Variants in BARHL2 observed in about 807,000 individuals in gnomAD.
BARHL2 encodes BarH like homeobox 2, also known as barH-like 2 homeobox protein.
In BARHL2, 10 loss-of-function variants were observed where a neutral mutation model predicts 27.1. That is an observed-to-expected ratio of 0.37 (90% CI 0.23 to 0.63). The LOEUF (loss-of-function observed/expected upper bound fraction) is 0.63, where lower values mean the gene tolerates loss of function less well. Among genes scored for constraint, BARHL2 ranks in the 20% least tolerant of loss-of-function variants. The pLI is 0.65. For missense variants in BARHL2, 483 were observed against 533.5 expected, an observed-to-expected ratio of 0.91 and a Z score of 0.93; for synonymous variants, 248 against 224.7, an observed-to-expected ratio of 1.10 and a Z score of -0.93.
intron 1 of BARHL2, among the ~76,000 whole-genome samples, chr1:90,716,255 C>T (rs1658142014): frequency 6.6e-6 from 1 of 152,286 alleles, no homozygotes; most frequent in African/African-American, 2.4e-5. Context: ...CAAGTCCATC[C>T]CTTTTATCAA....
In BARHL2 at chr1:90,712,420, C is replaced by T; in HGVS notation, c.1056G>A (p.Leu352=). The T allele has an allele frequency of 6.2e-7, 1 of 1,608,468 alleles. No individual in the cohort carries two copies. Among genetic ancestry groups the T allele is most frequent in the Non-Finnish European group, 8.5e-7 (1 of 1,177,040 alleles). The stretch of plus-strand genomic sequence containing the variant: ...GCACACGGGGCACCAGGGGCCGCTG[C>T]AGCTGGGGATGGGGTGCTGGAGGAG... The part of the protein sequence containing the change: ...YRTPPAPHPQ[L]QRPLVPRVLI... Residue 352 remains leucine, a synonymous_variant, in exon 3 of 3, where the codon CTG becomes CTA. Coordinates refer to ENST00000370445, the MANE Select transcript of BARHL2 (RefSeq NM_020063.2).
rs932705165 is a variant in BARHL2 at position 90,712,135 on chromosome 1, C to T, written c.*177G>A. ...GGGTGGGGAGATGGAGAGCAGAGGGCTGGCTCCTCTTTGGGGGTCCCCTGC... is the reference window on the plus strand; with the variant it reads ...GGGTGGGGAGATGGAGAGCAGAGGGTTGGCTCCTCTTTGGGGGTCCCCTGC... On this transcript the variant is annotated 3_prime_UTR_variant, in exon 3 of 3. Transcript: ENST00000370445. 1 of 569,870 alleles carries T rather than the reference C, an allele frequency of 1.8e-6. No homozygotes were observed. The highest frequency in any genetic ancestry group is 1.9e-5 in the African/African-American group (1 of 53,642). 35.3% of individuals were successfully genotyped at this position (569,870 alleles called of 1,614,324 possible). A position where few individuals can be genotyped will look rare whatever the true frequency, so the allele number is the denominator to read the frequency against.
chr1:90,712,322 T>G lies in BARHL2; in HGVS notation c.1154A>C (p.His385Pro). The G allele has an allele frequency of 6.8e-7, 1 of 1,463,214 alleles. No homozygotes were observed. Among genetic ancestry groups the G allele is most frequent in the Non-Finnish European group, 9.1e-7 (1 of 1,102,610 alleles). The allele number at this position is 1,463,214 out of a possible 1,614,324, so 90.6% of individuals were successfully genotyped here. Residue 385 changes from histidine to proline, a missense_variant, in exon 3 of 3, where the codon CAC becomes CCC. By Grantham distance (77) the His-to-Pro change is moderately conservative. This residue lies in a region of BARHL2 where 130 missense variants were observed against 138.0 expected (regional missense o/e 0.94). Transcript: ENST00000370445. The stretch of plus-strand genomic sequence containing the variant: ...TTCGCTGCAATGTTTTCACCGGGGG[T>G]GTGGGGTGCCTGGGATGGGGCTGGA... ...PLSSPIPGTP[H>P]PR
intron 2 of BARHL2, among the ~76,000 whole-genome samples, chr1:90,713,284 C>T (rs1215928313): frequency 6.6e-6 from 1 of 152,186 alleles, no homozygotes; most frequent in East Asian, 1.9e-4. Context: ...AAAGTACCTC[C>T]TGGCCATTCT....
At chr1:90,713,896 C>T (rs552816668) in intron 2 of BARHL2, among the ~76,000 whole-genome samples, 82 of 152,344 alleles carry the variant, frequency 5.4e-4, no homozygotes, top group African/African-American at 1.6e-3. Context: ...GGGACAGACC[C>T]ACACTCCTTC....
intron 2 of BARHL2, among the ~76,000 whole-genome samples, chr1:90,713,846 C>T (rs563898160): frequency 1.8e-3 from 270 of 152,358 alleles, no homozygotes; most frequent in African/African-American, 6.2e-3. Context: ...CTCTGCAGCA[C>T]TCTAGCTCCA....
chr1:90,717,271 CAAAAT>C lies in BARHL2; in HGVS notation c.-81_-77del. 1.1e-5 allele frequency: 17 copies of C among 1,535,816 alleles called. No homozygotes were observed. The highest frequency in any genetic ancestry group is 1.3e-5 in the Non-Finnish European group (15 of 1,155,636). Reference sequence around the variant, plus strand: ...GCGAAGAAAGCTATCGATCGTAAAACAAAATAAACACCAAACAATGTTGCCGCCGC... The same window carrying C: ...GCGAAGAAAGCTATCGATCGTAAAACAAACACCAAACAATGTTGCCGCCGC... On this transcript the variant is annotated 5_prime_UTR_variant, in exon 1 of 3. Coordinates refer to ENST00000370445, the MANE Select transcript of BARHL2 (RefSeq NM_020063.2).
At chr1:90,714,784 A>C (rs747499246) in intron 1 of BARHL2, 28 bp from the exon 2 acceptor site, 1 of 1,609,532 alleles carries the variant, frequency 6.2e-7, no homozygotes, top group Non-Finnish European at 8.5e-7. Flanking sequence ...CCACGGTGGT[A>C]AGTTAGCCTG....
At chr1:90,716,519 G>A in intron 1 of BARHL2, 52 bp downstream of exon 1, 2 of 1,577,252 alleles carry the variant, frequency 1.3e-6, no homozygotes, top group Non-Finnish European at 1.7e-6. Context: ...GGGGAGATTG[G>A]GAACCAGGAG....
rs780843944 is a variant in BARHL2 at position 90,712,446 on chromosome 1, T to G, written c.1030A>C (p.Thr344Pro). Residue 344 changes from threonine (T) to proline (P), a missense_variant, in exon 3 of 3, where the codon ACT becomes CCT. This residue lies in a region of BARHL2 where 130 missense variants were observed against 138.0 expected (regional missense o/e 0.94). Transcript: ENST00000370445. ...AAAMYSSMYR[T>P]PPAPHPQLQR... is the part of the protein sequence containing the mutation. Reference sequence around the variant, plus strand: ...AGCTGGGGATGGGGTGCTGGAGGAGTCCGGTACATGCTGCTGTACATGGCA... The same window carrying G: ...AGCTGGGGATGGGGTGCTGGAGGAGGCCGGTACATGCTGCTGTACATGGCA... The G allele has an allele frequency of 6.2e-7, 1 of 1,612,238 alleles. No homozygotes were observed. The highest frequency in any genetic ancestry group is 1.1e-5 in the South Asian group (1 of 90,798).
chr1:90,713,900 C>T (rs1346215835), intron 2 of BARHL2, among the ~76,000 whole-genome samples: 1 of 152,222 alleles, frequency 6.6e-6, no homozygotes, highest in African/African-American at 2.4e-5. Context: ...CAGACCCACA[C>T]TCCTTCCTTC....
At position 90,716,879 on chromosome 1, in the gene BARHL2, T is replaced by A; in HGVS notation, c.317A>T (p.Gln106Leu). ...PPAAAPTQSL[Q>L]PLPQQQQPLP... Reference sequence around the variant, plus strand: ...CGGCTGCTGCTGTTGGGGCAAAGGCTGCAAACTTTGCGTCGGGGCCGCGGC... The same window carrying A: ...CGGCTGCTGCTGTTGGGGCAAAGGCAGCAAACTTTGCGTCGGGGCCGCGGC... The change falls in exon 1 of 3, where the codon CAG becomes CTG. Residue 106 changes from glutamine to leucine, a missense_variant. Transcript: ENST00000370445. The A allele has an allele frequency of 6.3e-7, 1 of 1,583,382 alleles. No homozygotes were observed. Among genetic ancestry groups the A allele is most frequent in the Non-Finnish European group, 8.6e-7 (1 of 1,165,776 alleles).
Position 90,712,075 on chromosome 1 carries a change from A to T in BARHL2, c.*237T>A. The T allele has an allele frequency of 7.4e-6, 3 of 403,012 alleles. No homozygotes were observed. The highest frequency in any genetic ancestry group is 8.7e-6 in the Non-Finnish European group (2 of 230,198). The allele number at this position is 403,012 out of a possible 1,614,324, so 25.0% of individuals were successfully genotyped here. A position where few individuals can be genotyped will look rare whatever the true frequency, so the allele number is the denominator to read the frequency against. ...TGGGGTCAGCATTTTCACCAGTCAC[A>T]CTGCTGTGGGGGAGATTTCCAGCCC... On this transcript the variant is annotated 3_prime_UTR_variant, in exon 3 of 3. Transcript: ENST00000370445.
chr1:90,712,474 G>T lies in BARHL2; in HGVS notation c.1002C>A (p.Ala334=), dbSNP rs576834112. The change falls in exon 3 of 3, where the codon GCC becomes GCA. Residue 334 remains alanine, a synonymous_variant. Coordinates refer to ENST00000370445, the MANE Select transcript of BARHL2 (RefSeq NM_020063.2). Reference sequence around the variant, plus strand: ...GGTACATGCTGCTGTACATGGCAGCGGCAGCCGCCGCCGCCGTAGTGCTGT... The same window carrying T: ...GGTACATGCTGCTGTACATGGCAGCTGCAGCCGCCGCCGCCGTAGTGCTGT... ...SMDSTTAAAA[A]AAMYSSMYRT... 9 of 1,610,596 alleles carry T rather than the reference G, an allele frequency of 5.6e-6. No homozygotes were observed. The highest frequency in any genetic ancestry group is 7.6e-6 in the Non-Finnish European group (9 of 1,179,000).
At position 90,712,474 on chromosome 1, in the gene BARHL2, G is replaced by A. The variant is rs576834112; in HGVS notation, c.1002C>T (p.Ala334=). The A allele has an allele frequency of 8.3e-5, 133 of 1,610,714 alleles. 1 individual carries two copies. Among genetic ancestry groups the A allele is most frequent in the Admixed American group, 8.2e-4 (49 of 59,950 alleles). ...SMDSTTAAAA[A]AAMYSSMYRT... ...GGTACATGCTGCTGTACATGGCAGC[G>A]GCAGCCGCCGCCGCCGTAGTGCTGT... Residue 334 remains alanine, a synonymous_variant, in exon 3 of 3, where the codon GCC becomes GCT. Transcript: ENST00000370445.
rs554666395 is a variant in BARHL2 at position 90,714,158 on chromosome 1, G to A, written c.851+373C>T. Among the ~76,000 whole-genome samples the A allele has an allele frequency of 1.4e-4, 22 of 152,336 alleles. No homozygotes were observed. In the South Asian group the frequency reaches 4.6e-3, roughly 32 times the overall value. On this transcript the variant is annotated intron_variant, in intron 2 of 2. Coordinates refer to ENST00000370445, the MANE Select transcript of BARHL2 (RefSeq NM_020063.2). ...CAAACCTTTGGAACCAGCCTGGGGT[G>A]GGCCCAAGGGGTGCACCGCGCAGGC...
Position 90,712,257 on chromosome 1 carries a change from T to C in BARHL2, c.*55A>G, listed in dbSNP as rs1658047484. ...GGAGCAGGGAGAGGACGGGCAGCAG[T>C]CCGGGTTGGGCAGGGATATGGGGAA... On this transcript the variant is annotated 3_prime_UTR_variant, in exon 3 of 3. Coordinates refer to ENST00000370445, the MANE Select transcript of BARHL2 (RefSeq NM_020063.2). The C allele has an allele frequency of 7.1e-7, 1 of 1,411,454 alleles. No individual in the cohort carries two copies. Among genetic ancestry groups the C allele is most frequent in the Admixed American group, 2.9e-5 (1 of 34,562 alleles). 87.4% of individuals were successfully genotyped at this position (1,411,454 alleles called of 1,614,324 possible).
At chr1:90,715,500 C>CTCAA (rs1281743426) in intron 1 of BARHL2, among the ~76,000 whole-genome samples, 1 of 152,082 alleles carries the variant, frequency 6.6e-6, no homozygotes, top group African/African-American at 2.4e-5. Context: ...TGCAGTGCTC[C>CTCAA]TTGATCTTCC....
chr1:90,714,455 G>C lies in BARHL2; in HGVS notation c.851+76C>G, dbSNP rs568824692. The C allele has an allele frequency of 4.3e-6, 6 of 1,404,186 alleles. No homozygotes were observed. The African/African-American group carries it at 8.5e-5, about 20-fold the overall frequency. The allele number at this position is 1,404,186 out of a possible 1,614,324, so 87.0% of individuals were successfully genotyped here. ...CAGTCCTTAGAGTCTCTGGAGGCCAGGAGGGAAGAAGATTGGTATAATGAT... is the reference window on the plus strand; with the variant it reads ...CAGTCCTTAGAGTCTCTGGAGGCCACGAGGGAAGAAGATTGGTATAATGAT... On this transcript the variant is annotated intron_variant, in intron 2 of 2. Coordinates refer to ENST00000370445, the MANE Select transcript of BARHL2 (RefSeq NM_020063.2).
Sources: allele counts gnomAD v4.1 joint callset (sites outside exome capture counted in the v4.1 genomes callset), GRCh38; gene constraint gnomAD v4.1.1; regional missense constraint gnomAD v4.1.1; transcripts MANE v1.5; gene names NCBI Gene and HGNC (gene_info 2026-07-23, HGNC 2026-07-21).